Variants in MCCC1 observed in about 807,000 individuals in gnomAD.
The protein encoded by MCCC1 is methylcrotonyl-CoA carboxylase subunit 1, also known as methylcrotonoyl-CoA carboxylase subunit alpha, mitochondrial.
A neutral mutation model predicts 83.8 loss-of-function variants in MCCC1; 64 were observed. The observed-to-expected ratio is 0.76, with a 90% CI of 0.62 to 0.94. The LOEUF is 0.94. MCCC1 is among the 40% of genes least tolerant of loss of function. The pLI, the probability that MCCC1 is intolerant of heterozygous loss-of-function variation, is 0.00. For synonymous variants in MCCC1, 322 were observed against 315.4 expected (o/e 1.02, Z -0.22); for missense variants, 807 against 904.7 (o/e 0.89, Z 1.39).
rs1452179241 is a variant in MCCC1, at chr3:183,071,222, A to C, written c.627T>G (p.Gly209=). The C allele has an allele frequency of 1.2e-6, 2 of 1,614,138 alleles. No homozygotes were observed. The highest frequency in any genetic ancestry group is 1.7e-6 in the Non-Finnish European group (2 of 1,180,030). Residue 209 remains glycine (G), a synonymous_variant, in exon 6 of 19, where the codon GGT becomes GGG. Coordinates refer to ENST00000265594, the MANE Select transcript of MCCC1 (RefSeq NM_020166.5). Reference sequence around the variant, plus strand: ...TGCACAATCTTACTTTTCCTCCTCCACCCCGGACGGCTTTAATCATGACAG... The same window carrying C: ...TGCACAATCTTACTTTTCCTCCTCCCCCCCGGACGGCTTTAATCATGACAG... ...GYPVMIKAVR[G]GGGKGMRIVR...
At chr3:183,037,495 C>T (rs1237729026) in intron 12 of MCCC1, 61 bp from the exon 13 acceptor site, 2 of 1,340,606 alleles carry the variant, frequency 1.5e-6, no homozygotes, top group African/African-American at 1.4e-5. Flanking sequence ...TTCAGAAAAC[C>T]ATCTGCTCTT....
chr3:183,112,146 C>T (rs1183860090), intron 1 of MCCC1, among the ~76,000 whole-genome samples: 1 of 152,180 alleles, frequency 6.6e-6, no homozygotes, highest in African/African-American at 2.4e-5. Flanking sequence ...GCATTTTCCT[C>T]ATCATCAATC....
At chr3:183,035,257 A>G (rs573862143) in intron 13 of MCCC1, among the ~76,000 whole-genome samples, 1 of 152,350 alleles carries the variant, frequency 6.6e-6, no homozygotes, top group African/African-American at 2.4e-5. Context: ...CAGGAATACC[A>G]CATGGGACGT....
In MCCC1 at chr3:183,043,508, C is replaced by T. The variant is rs35110907; in HGVS notation, c.1084-1758G>A. ...ACTATCTGTATCTGCAGCCTGAACC[C>T]AGGACACTTACATCAGTCATCATTC... On this transcript the variant is annotated intron_variant, in intron 10 of 18. Transcript: ENST00000265594. Among the ~76,000 whole-genome samples, 1,010 of 152,362 alleles carry T rather than the reference C, an allele frequency of 6.6e-3. 12 individuals carry two copies. The highest frequency in any genetic ancestry group is 0.017 in the South Asian group (83 of 4,824).
At chr3:183,107,875 C>T (rs1719431592) in intron 1 of MCCC1, among the ~76,000 whole-genome samples, 1 of 152,082 alleles carries the variant, frequency 6.6e-6, no homozygotes, top group Admixed American at 6.6e-5. Context: ...TAAAAAGATG[C>T]TGATGATGCT....
rs1018969983 is a variant in MCCC1 at position 183,064,894 on chromosome 3, T to C, written c.761+6105A>G. 6.6e-6 allele frequency among the ~76,000 whole-genome samples: 1 copy of C among 152,232 alleles called. No homozygotes were observed. ...TGGGCGGGTCTTTCTCTGGTCTCTC[T>C]GAGCACCTTGCTTTCCCCATCCTGC... On this transcript the variant is annotated intron_variant, in intron 7 of 18. Coordinates refer to ENST00000265594, the MANE Select transcript of MCCC1 (RefSeq NM_020166.5). This position sits in a 1 kb window ranked among gnomAD's most constrained non-coding sequence, Gnocchi z 4.5.
intron 4 of MCCC1, among the ~76,000 whole-genome samples, chr3:183,073,763 C>T (rs1180399691): frequency 6.6e-6 from 1 of 152,122 alleles, no homozygotes; most frequent in African/African-American, 2.4e-5. Context: ...ATATTTTTTT[C>T]TTTCCTTGAG....
At chr3:183,070,858 G>T in intron 7 of MCCC1, 141 bp downstream of exon 7, 1 of 978,848 alleles carries the variant, frequency 1.0e-6, no homozygotes, top group Non-Finnish European at 1.5e-6. Flanking sequence ...TACAATCAGT[G>T]GTTACATCAC....
At chr3:183,020,371 A>C (rs9834143) in intron 16 of MCCC1, 134 bp from the exon 17 acceptor site, 689,505 of 744,498 alleles carry the variant, frequency 0.93, 320,092 homozygotes, top group East Asian at 1. Context: ...GTGGCTCACG[A>C]TTGTAAACCC....
intron 10 of MCCC1, among the ~76,000 whole-genome samples, chr3:183,044,469 C>T (rs1488607319): frequency 6.6e-6 from 1 of 152,104 alleles, no homozygotes; most frequent in African/African-American, 2.4e-5. Context: ...CAAACATTTA[C>T]TCTGAATGAA....
Position 183,015,586 on chromosome 3 carries a change from G to C in MCCC1, c.2050-20C>G. 2.5e-6 allele frequency: 4 copies of C among 1,613,928 alleles called. No individual in the cohort carries two copies. The highest frequency in any genetic ancestry group is 3.4e-6 in the Non-Finnish European group (4 of 1,179,918). On this transcript the variant is annotated intron_variant, in intron 18 of 18. Transcript: ENST00000265594. ...GGTATGCTGCAGAGACACATGACAG[G>C]ACAAATGATAGCTGCAATACTAATG...
rs143120315 is a variant in MCCC1, at chr3:183,088,970, C to T, written c.274-2182G>A. Among the ~76,000 whole-genome samples the T allele has an allele frequency of 3.7e-4, 56 of 152,290 alleles. No individual in the cohort carries two copies. In the East Asian group the frequency reaches 7.3e-3, roughly 20 times the overall value. ...AGGCTAAAGCAGACATTCCTGTACA[C>T]GCTTCTCTTAGCACAATATATGTGA... On this transcript the variant is annotated intron_variant, in intron 3 of 18. Coordinates refer to ENST00000265594, the MANE Select transcript of MCCC1 (RefSeq NM_020166.5).
chr3:183,027,890 C>T (rs1309719662), intron 14 of MCCC1, among the ~76,000 whole-genome samples: 1 of 152,178 alleles, frequency 6.6e-6, no homozygotes, highest in Non-Finnish European at 1.5e-5. Flanking sequence ...GCAGAAAGTG[C>T]TGACAGAGGA....
At chr3:183,109,140 G>A (rs917122052) in intron 1 of MCCC1, among the ~76,000 whole-genome samples, 4 of 151,730 alleles carry the variant, frequency 2.6e-5, no homozygotes, top group Admixed American at 6.6e-5. Context: ...TACAGGCGCC[G>A]GCCACCATGC....
intron 1 of MCCC1, chr3:183,098,541 A>G (rs562145157): frequency 1.0e-3 from 154 of 152,390 alleles, no homozygotes; most frequent in African/African-American, 3.5e-3. Flanking sequence ...TTGACTGCAG[A>G]GTCTGTGCCC....
chr3:183,036,626 G>A (rs997505828), intron 13 of MCCC1, among the ~76,000 whole-genome samples: 3 of 140,492 alleles, frequency 2.1e-5, no homozygotes, highest in East Asian at 2.2e-4. Context: ...TGCAACCTCC[G>A]CCTCCCGGGT....
upstream of MCCC1, among the ~76,000 whole-genome samples, chr3:183,103,090 C>CCGGGAA (rs1188045174): frequency 1.3e-5 from 2 of 151,790 alleles, no homozygotes; most frequent in Non-Finnish European, 2.9e-5. Flanking sequence ...GGAGTTTGTT[C>CCGGGAA]CTTCTGATGT....
chr3:183,100,861 G>A (rs922047894), upstream of MCCC1, among the ~76,000 whole-genome samples: 3 of 152,246 alleles, frequency 2.0e-5, no homozygotes, highest in Admixed American at 1.3e-4. Context: ...GGCCAAGGCC[G>A]GAGCCCACTC....
intron 1 of MCCC1, among the ~76,000 whole-genome samples, chr3:183,111,189 G>A (rs1719487459): frequency 2.6e-5 from 4 of 152,164 alleles, no homozygotes; most frequent in Non-Finnish European, 5.9e-5. Context: ...TACAAGTCTG[G>A]ATTTCCGCTT....
Sources: allele counts gnomAD v4.1 joint callset (sites outside exome capture counted in the v4.1 genomes callset), GRCh38; gene constraint gnomAD v4.1.1; non-coding constraint Gnocchi (gnomAD v3.1); transcripts MANE v1.5; gene names NCBI Gene and HGNC (gene_info 2026-07-23, HGNC 2026-07-21).